Variants in CCNY observed in about 807,000 individuals in gnomAD.
CCNY encodes cyclin-Y.
Under a neutral mutation model 42.8 loss-of-function variants are expected in CCNY, and 19 were observed. The ratio of observed to expected loss-of-function variants is 0.44; its 90% CI spans 0.31 to 0.65. CCNY has a LOEUF of 0.65. Ranked by LOEUF, CCNY falls within the 30% of genes least tolerant of loss-of-function variation. CCNY has a pLI of 0.07. For missense variants in CCNY, 370 were observed against 437.3 expected, an observed-to-expected ratio of 0.85 and a Z score of 1.37; for synonymous variants, 165 against 162.7, an observed-to-expected ratio of 1.01 and a Z score of -0.11.
chr10:35,309,912 T>C (rs1032426742), intron 3 of CCNY, among the ~76,000 whole-genome samples: 17 of 152,138 alleles, frequency 1.1e-4, no homozygotes, highest in African/African-American at 3.6e-4. Flanking sequence ...GCCATTCTCC[T>C]GCCTCAGCCT....
intron 3 of CCNY, among the ~76,000 whole-genome samples, chr10:35,328,255 G>C (rs190507417): frequency 1.3e-5 from 2 of 152,192 alleles, no homozygotes; most frequent in East Asian, 3.9e-4. Context: ...CCTCTTTCCA[G>C]CCCAGTACCA....
At chr10:35,497,483 A>G (rs1840024360) in intron 2 of CCNY, among the ~76,000 whole-genome samples, 1 of 152,180 alleles carries the variant, frequency 6.6e-6, no homozygotes, top group South Asian at 2.1e-4. Flanking sequence ...CACGCCTGTA[A>G]TCCCAGCGCT....
chr10:35,477,681 A>G (rs1481264722), intron 1 of CCNY, among the ~76,000 whole-genome samples: 2 of 149,998 alleles, frequency 1.3e-5, no homozygotes, highest in African/African-American at 4.9e-5. Flanking sequence ...AGCCAATATC[A>G]TACTGAATGG....
chr10:35,420,351 A>G (rs997178061), intron 1 of CCNY, among the ~76,000 whole-genome samples: 6 of 152,332 alleles, frequency 3.9e-5, no homozygotes, highest in Admixed American at 1.3e-4. Context: ...CCCTAAAAGC[A>G]GCGAGCCCTA....
chr10:35,378,648 G>A (rs759585033), intron 1 of CCNY, among the ~76,000 whole-genome samples: 10 of 152,120 alleles, frequency 6.6e-5, no homozygotes, highest in Non-Finnish European at 1.2e-4. Context: ...GATGAAGCCC[G>A]GGACGTGCTG....
At chr10:35,498,543 G>A (rs1241178154) in intron 2 of CCNY, among the ~76,000 whole-genome samples, 2 of 152,128 alleles carry the variant, frequency 1.3e-5, no homozygotes, top group African/African-American at 4.8e-5. Flanking sequence ...CTTTGAGTAT[G>A]TCCCAACTCC....
At chr10:35,515,124 C>T (rs966359052) in intron 3 of CCNY, among the ~76,000 whole-genome samples, 1 of 152,174 alleles carries the variant, frequency 6.6e-6, no homozygotes, top group Non-Finnish European at 1.5e-5. Flanking sequence ...ATTTCACAAG[C>T]GTTCTCTATG....
At chr10:35,475,536 G>T (rs1454240168) in intron 1 of CCNY, among the ~76,000 whole-genome samples, 1 of 150,860 alleles carries the variant, frequency 6.6e-6, no homozygotes, top group Admixed American at 6.6e-5. Flanking sequence ...TCCAGCCAAA[G>T]TAAGCTTCAT....
chr10:35,375,814 C>T (rs187968866), intron 1 of CCNY, among the ~76,000 whole-genome samples: 9 of 152,104 alleles, frequency 5.9e-5, no homozygotes, highest in Admixed American at 1.3e-4. Flanking sequence ...GGAAAGGAGG[C>T]GAAGGCGTGA....
At chr10:35,509,432 C>T (rs1044019852) in intron 3 of CCNY, among the ~76,000 whole-genome samples, 3 of 152,012 alleles carry the variant, frequency 2.0e-5, no homozygotes, top group African/African-American at 7.2e-5. Context: ...CCTTCCACCA[C>T]GCCCAGCTAA....
intron 1 of CCNY, among the ~76,000 whole-genome samples, chr10:35,468,300 C>T (rs1204361340): frequency 6.6e-6 from 1 of 152,216 alleles, no homozygotes; most frequent in African/African-American, 2.4e-5. Context: ...CCCAGAGGTG[C>T]CACCTCCAAA....
Position 35,572,272 on chromosome 10 carries a change from A to G in CCNY, c.*3102A>G, listed in dbSNP as rs1243894338. 1.3e-5 allele frequency: 2 copies of G among 151,944 alleles called. No homozygotes were observed. Among genetic ancestry groups the G allele is most frequent in the Non-Finnish European group, 2.9e-5 (2 of 68,010 alleles). 9.4% of individuals were successfully genotyped at this position (151,944 alleles called of 1,614,324 possible). A position where few individuals can be genotyped will look rare whatever the true frequency, so the allele number is the denominator to read the frequency against. ...CTTCTCACCTGGGGCCATATTTTAC[A>G]GATTTGAATTTTTTTTTTTCTTTTT... On this transcript the variant is annotated 3_prime_UTR_variant, in exon 10 of 10. Coordinates refer to ENST00000374704, the MANE Select transcript of CCNY (RefSeq NM_145012.6).
At chr10:35,256,757 A>AAC (rs55786366) in intron 3 of CCNY, among the ~76,000 whole-genome samples, 54,812 of 150,660 alleles carry the variant, frequency 0.36, 10,466 homozygotes, top group African/African-American at 0.48. Context: ...AAAAAAAAAA[A>AAC]AAAAATTCCA....
At chr10:35,270,241 C>A (rs370939383) in intron 3 of CCNY, among the ~76,000 whole-genome samples, 1 of 152,128 alleles carries the variant, frequency 6.6e-6, no homozygotes, top group Admixed American at 6.5e-5. Flanking sequence ...GGTAGGGGCA[C>A]CCGATCCCAT....
At chr10:35,367,646 T>C (rs2135167688) in intron 1 of CCNY, among the ~76,000 whole-genome samples, 2 of 152,334 alleles carry the variant, frequency 1.3e-5, no homozygotes, top group Middle Eastern at 6.8e-3. Context: ...TAGAAGTCAC[T>C]TTGTGAGAGC....
Position 35,306,771 on chromosome 10 carries a change from C to T in CCNY, c.-9+56145C>T, listed in dbSNP as rs117015851. ...ACATAACAACCTTCAGGTAGCAAAACATCTGCTAGGAGTCATCCTGGCTTT... is the reference window on the plus strand; with the variant it reads ...ACATAACAACCTTCAGGTAGCAAAATATCTGCTAGGAGTCATCCTGGCTTT... On this transcript the variant is annotated intron_variant, in intron 3 of 11. Coordinates refer to the CCNY transcript ENST00000374706. Among the ~76,000 whole-genome samples the T allele has an allele frequency of 3.7e-3, 559 of 152,220 alleles. 30 individuals are homozygous for T. The South Asian group carries it at 0.1, about 28-fold the overall frequency.
chr10:35,353,716 G>A (rs372212297), intron 1 of CCNY, among the ~76,000 whole-genome samples: 1 of 152,198 alleles, frequency 6.6e-6, no homozygotes, highest in African/African-American at 2.4e-5. Flanking sequence ...CTTATAGCAA[G>A]GTAAAAGTTT....
intron 3 of CCNY, among the ~76,000 whole-genome samples, chr10:35,504,206 G>A (rs1041250384): frequency 6.6e-6 from 1 of 152,170 alleles, no homozygotes; most frequent in South Asian, 2.1e-4. Flanking sequence ...TTTAAGACAA[G>A]GCGAGTGTTC....
At chr10:35,448,102 C>T (rs1838831972) in intron 1 of CCNY, among the ~76,000 whole-genome samples, 1 of 152,190 alleles carries the variant, frequency 6.6e-6, no homozygotes, top group Admixed American at 6.5e-5. Context: ...CAGCGGCTCG[C>T]ATTTTAATTG....
Sources: allele counts gnomAD v4.1 joint callset (sites outside exome capture counted in the v4.1 genomes callset), GRCh38; gene constraint gnomAD v4.1.1; transcripts MANE v1.5; gene names NCBI Gene and HGNC (gene_info 2026-07-23, HGNC 2026-07-21).